C3orf70: variants seen among roughly 807,000 people sequenced by gnomAD.
C3orf70 encodes UPF0524 protein C3orf70.
C3orf70 carries 15 observed loss-of-function variants against 20.7 expected under a neutral mutation model. The observed-to-expected ratio is 0.72, with a 90% CI of 0.48 to 1.11. The LOEUF is 1.11. C3orf70 is among the 50% of genes most tolerant of loss of function. C3orf70 has a pLI of 0.00. For synonymous variants in C3orf70, 161 were observed against 125.7 expected (o/e 1.28, Z -1.88); for missense variants, 332 against 317.6 (o/e 1.05, Z -0.34).
chr3:185,146,208 C>A (rs1716871579), intron 1 of C3orf70, among the ~76,000 whole-genome samples: 1 of 151,560 alleles, frequency 6.6e-6, no homozygotes, highest in African/African-American at 2.4e-5. Context: ...CTCAGAACTT[C>A]ACCTCACAGC....
chr3:185,133,900 G>A (rs1293051014), intron 1 of C3orf70, among the ~76,000 whole-genome samples: 1 of 152,138 alleles, frequency 6.6e-6, no homozygotes, highest in Non-Finnish European at 1.5e-5. Flanking sequence ...ACCATTCTGG[G>A]CAACATGGTG....
At chr3:185,087,189 A>G (rs58307121) in intron 1 of C3orf70, among the ~76,000 whole-genome samples, 3,720 of 152,348 alleles carry the variant, frequency 0.024, 126 homozygotes, top group African/African-American at 0.084. Context: ...TTAAGGGTTT[A>G]CTGTGTTAAA....
intron 1 of C3orf70, among the ~76,000 whole-genome samples, chr3:185,084,490 A>AATC (rs2108586046): frequency 6.6e-6 from 1 of 152,010 alleles, no homozygotes. Flanking sequence ...TCAGTGGCCT[A>AATC]ATCAGGAGGT....
intron 1 of C3orf70, among the ~76,000 whole-genome samples, chr3:185,150,451 A>C (rs955506709): frequency 6.6e-6 from 1 of 152,228 alleles, no homozygotes; most frequent in Non-Finnish European, 1.5e-5. Context: ...AATGAAATGA[A>C]ATTTAATAGG....
intron 1 of C3orf70, among the ~76,000 whole-genome samples, chr3:185,146,257 A>G (rs374951720): frequency 3.4e-5 from 5 of 147,674 alleles, no homozygotes; most frequent in East Asian, 4.0e-4. Flanking sequence ...TTCAATCACT[A>G]GACAAAGTTA....
At chr3:185,095,844 C>T (rs990329140) in intron 1 of C3orf70, among the ~76,000 whole-genome samples, 2 of 149,878 alleles carry the variant, frequency 1.3e-5, no homozygotes, top group Non-Finnish European at 2.9e-5. Flanking sequence ...TCAAGCAATT[C>T]CCCTACCTCA....
At chr3:185,129,221 C>T (rs1482927251) in intron 1 of C3orf70, among the ~76,000 whole-genome samples, 1 of 151,992 alleles carries the variant, frequency 6.6e-6, no homozygotes, top group South Asian at 2.1e-4. Flanking sequence ...CAATCCTGGC[C>T]CCCCTCCGTC....
chr3:185,127,425 T>C (rs1327785787), intron 1 of C3orf70, among the ~76,000 whole-genome samples: 1 of 152,076 alleles, frequency 6.6e-6, no homozygotes, highest in African/African-American at 2.4e-5. Context: ...GACCTAGACA[T>C]TCATTCTTTT....
At position 185,083,497 on chromosome 3, in the gene C3orf70, G is replaced by A; in HGVS notation, c.263C>T (p.Pro88Leu). ...CTGAATGGTGTTTGTGGGTTCCCGAGGCCTGGCAGGAATCTCAGTGCTTGG... is the reference window on the plus strand; with the variant it reads ...CTGAATGGTGTTTGTGGGTTCCCGAAGCCTGGCAGGAATCTCAGTGCTTGG... ...QLPSTEIPAR[P>L]REPTNTIQIS... is the part of the protein sequence containing the mutation. Residue 88 changes from proline to leucine, a missense_variant, in exon 2 of 2, where the codon CCT becomes CTT. Physicochemically the swap from Pro to Leu is moderately conservative, Grantham distance 98. Coordinates refer to ENST00000335012, the MANE Select transcript of C3orf70 (RefSeq NM_001025266.3). The A allele has an allele frequency of 1.2e-6, 2 of 1,613,710 alleles. No homozygotes were observed. Among genetic ancestry groups the A allele is most frequent in the Non-Finnish European group, 1.7e-6 (2 of 1,179,938 alleles).
chr3:185,090,959 T>G (rs1715556955), intron 1 of C3orf70, among the ~76,000 whole-genome samples: 1 of 152,164 alleles, frequency 6.6e-6, no homozygotes, highest in South Asian at 2.1e-4. Flanking sequence ...GCGGAACATA[T>G]TGTAAAGCAA....
chr3:185,122,238 T>C (rs1010155217), intron 1 of C3orf70, among the ~76,000 whole-genome samples: 2 of 152,174 alleles, frequency 1.3e-5, no homozygotes, highest in African/African-American at 2.4e-5. Flanking sequence ...AGAAAGACAT[T>C]ACATAATGGT....
chr3:185,123,691 A>G (rs1394763596), intron 1 of C3orf70, among the ~76,000 whole-genome samples: 1 of 152,020 alleles, frequency 6.6e-6, no homozygotes, highest in Non-Finnish European at 1.5e-5. Flanking sequence ...ATTGTGATAC[A>G]TATGTGACTG....
intron 1 of C3orf70, among the ~76,000 whole-genome samples, chr3:185,113,821 C>A (rs1356492739): frequency 6.6e-6 from 1 of 152,146 alleles, no homozygotes; most frequent in African/African-American, 2.4e-5. Flanking sequence ...TATAATAGGT[C>A]CTGTCCTTAG....
chr3:185,103,606 G>T (rs1339465698), intron 1 of C3orf70, among the ~76,000 whole-genome samples: 2 of 152,062 alleles, frequency 1.3e-5, no homozygotes, highest in East Asian at 3.9e-4. Context: ...CAACATCACT[G>T]ATCATTACAG....
intron 1 of C3orf70, among the ~76,000 whole-genome samples, chr3:185,139,014 A>C (rs1379776062): frequency 6.6e-6 from 1 of 152,048 alleles, no homozygotes; most frequent in African/African-American, 2.4e-5. Context: ...AGGCAGGAGG[A>C]TCATTTGAGC....
chr3:185,124,772 T>G (rs569188421), intron 1 of C3orf70, among the ~76,000 whole-genome samples: 1 of 152,206 alleles, frequency 6.6e-6, no homozygotes, highest in African/African-American at 2.4e-5. Context: ...TGCAAACATA[T>G]GTCTGACAAA....
rs869291177 is a variant in C3orf70 at position 185,091,912 on chromosome 3, CATATATATATATAT to C, written c.197-8363_197-8350del. 2.8e-3 allele frequency among the ~76,000 whole-genome samples: 99 copies of C among 35,854 alleles called. 15 individuals carry two copies. The highest frequency in any genetic ancestry group is 0.02 in the East Asian group (17 of 832). The allele number at this position is 35,854 out of a possible 152,430, so 23.5% of individuals were successfully genotyped here. ...ATACACACATACACACACACACATACATATATATATATATATATATATATATATATATATATATA... is the reference window on the plus strand; with the variant it reads ...ATACACACATACACACACACACATACATATATATATATATATATATATATA... On this transcript the variant is annotated intron_variant, in intron 1 of 1. Transcript: ENST00000335012.
chr3:185,130,779 G>A (rs1245893338), intron 1 of C3orf70, among the ~76,000 whole-genome samples: 4 of 152,160 alleles, frequency 2.6e-5, no homozygotes, highest in Middle Eastern at 3.2e-3. Flanking sequence ...GTTACTGAAT[G>A]TGTCTGTATT....
intron 1 of C3orf70, among the ~76,000 whole-genome samples, chr3:185,139,606 T>C: frequency 6.7e-6 from 1 of 149,472 alleles, no homozygotes; most frequent in Non-Finnish European, 1.5e-5. Context: ...ACAGCTATAG[T>C]AGGCAAGATT....
Sources: allele counts gnomAD v4.1 joint callset (sites outside exome capture counted in the v4.1 genomes callset), GRCh38; gene constraint gnomAD v4.1.1; transcripts MANE v1.5; gene names NCBI Gene and HGNC (gene_info 2026-07-23, HGNC 2026-07-21).